TSHZ3: variants seen among roughly 807,000 people sequenced by gnomAD.
The protein encoded by TSHZ3 is teashirt homolog 3.
TSHZ3 carries 10 observed loss-of-function variants against 64.5 expected under a neutral mutation model. The observed-to-expected ratio is 0.16, with a 90% CI of 0.10 to 0.26. TSHZ3 has a LOEUF of 0.26. TSHZ3 is among the 10% of genes least tolerant of loss of function. The probability of loss-of-function intolerance (pLI) is 1.00; values close to 1 mark genes in which losing one functional copy is unlikely to be tolerated. For synonymous variants in TSHZ3, 608 were observed against 593.1 expected (o/e 1.03, Z -0.36); for missense variants, 1,242 against 1,421.7 (o/e 0.87, Z 2.03).
In TSHZ3 at chr19:31,276,381, A is replaced by C. The variant is rs187885276; in HGVS notation, c.*166T>G. On this transcript the variant is annotated 3_prime_UTR_variant, in exon 2 of 2. Transcript: ENST00000240587. ...TACCAGTAACAACAGCTGATTATGCACCTCTATTAAACACTGTACAGTTAT... is the reference window on the plus strand; with the variant it reads ...TACCAGTAACAACAGCTGATTATGCCCCTCTATTAAACACTGTACAGTTAT... 5 of 556,624 alleles carry C rather than the reference A, an allele frequency of 9.0e-6. No homozygotes were observed. The highest frequency in any genetic ancestry group is 5.7e-5 in the African/African-American group (3 of 52,822). The allele number at this position is 556,624 out of a possible 1,614,324, so 34.5% of individuals were successfully genotyped here. A position where few individuals can be genotyped will look rare whatever the true frequency, so the allele number is the denominator to read the frequency against.
intron 1 of TSHZ3, among the ~76,000 whole-genome samples, chr19:31,337,045 A>G (rs1457127457): frequency 1.4e-5 from 2 of 142,044 alleles, no homozygotes; most frequent in Non-Finnish European, 3.0e-5. Flanking sequence ...GGCAACCCAG[A>G]GCAAGTACTT....
intron 1 of TSHZ3, among the ~76,000 whole-genome samples, chr19:31,332,491 C>T (rs1917124777): frequency 6.6e-6 from 1 of 152,116 alleles, no homozygotes; most frequent in East Asian, 1.9e-4. Context: ...ACCGACGACC[C>T]CTCATCAGAT....
chr19:31,272,077 AT>A (rs1172129252), downstream of TSHZ3, among the ~76,000 whole-genome samples: 8 of 152,230 alleles, frequency 5.3e-5, no homozygotes, highest in South Asian at 2.1e-4. Context: ...ATTTAAAAAA[AT>A]TTTTTTTATT....
chr19:31,278,870 G>C lies in TSHZ3; in HGVS notation c.923C>G (p.Pro308Arg), dbSNP rs1223732128. Residue 308 changes from proline (P) to arginine (R), a missense_variant, in exon 2 of 2, where the codon CCC becomes CGC. This residue lies in a region of TSHZ3 where 555 missense variants were observed against 704.0 expected (regional missense o/e 0.79). Transcript: ENST00000240587. This position sits in a 1 kb window ranked among gnomAD's most constrained non-coding sequence, Gnocchi z 4.7. ...GATTTTGGCGGCGACAGGAGTGACG[G>C]GTTCCTTCAGAGGCACTTTTTGGTA... ...KHYQKVPLKE[P>R]VTPVAAKIIP... 1.2e-6 allele frequency: 2 copies of C among 1,614,044 alleles called. No homozygotes were observed. The highest frequency in any genetic ancestry group is 1.7e-6 in the Non-Finnish European group (2 of 1,180,026).
At chr19:31,199,093 C>A (rs557632331) in intron 5 of TSHZ3, among the ~76,000 whole-genome samples, 1 of 151,810 alleles carries the variant, frequency 6.6e-6, no homozygotes, top group East Asian at 1.9e-4. Context: ...GAATAAAAAC[C>A]CCAGAAATAG....
intron 4 of TSHZ3, among the ~76,000 whole-genome samples, chr19:31,211,653 G>A (rs932812871): frequency 2.0e-5 from 3 of 152,176 alleles, no homozygotes; most frequent in African/African-American, 7.2e-5. Context: ...ATGGGCAAAT[G>A]GCAAAAAGAG....
chr19:31,350,803 G>A (rs1387271221), upstream of TSHZ3, among the ~76,000 whole-genome samples: 12 of 147,954 alleles, frequency 8.1e-5, no homozygotes, highest in East Asian at 2.2e-3. Context: ...CGGAGCCCGA[G>A]CGGCGCGGGC....
At chr19:31,250,709 C>T (rs1009089339) in intron 1 of TSHZ3, among the ~76,000 whole-genome samples, 14 of 152,174 alleles carry the variant, frequency 9.2e-5, no homozygotes, top group African/African-American at 2.4e-4. Context: ...TTGCAGAAGC[C>T]GGCTGGCGCT....
intron 4 of TSHZ3, among the ~76,000 whole-genome samples, chr19:31,205,683 C>A (rs1328001374): frequency 2.6e-5 from 4 of 152,184 alleles, no homozygotes; most frequent in African/African-American, 7.2e-5. Context: ...AATGACTGCC[C>A]GACCCTCCAT....
downstream of TSHZ3, among the ~76,000 whole-genome samples, chr19:31,272,985 C>G (rs547144649): frequency 2.6e-5 from 4 of 152,286 alleles, no homozygotes; most frequent in South Asian, 8.3e-4. Context: ...AACCGCAGAA[C>G]ATGAGCACTA....
chr19:31,330,704 T>TTG (rs1276623492), intron 1 of TSHZ3, among the ~76,000 whole-genome samples: 4 of 72,298 alleles, frequency 5.5e-5, no homozygotes, highest in South Asian at 5.1e-4. Flanking sequence ...TGTTTAATCC[T>TTG]TGGGCGGGGG....
intron 5 of TSHZ3, among the ~76,000 whole-genome samples, chr19:31,195,017 A>G (rs944472584): frequency 2.6e-5 from 4 of 152,208 alleles, no homozygotes; most frequent in African/African-American, 9.6e-5. Context: ...AGGTATCTCA[A>G]TAGAAACCTC....
chr19:31,345,965 T>C (rs963855147), intron 1 of TSHZ3, among the ~76,000 whole-genome samples: 1 of 152,104 alleles, frequency 6.6e-6, no homozygotes, highest in Non-Finnish European at 1.5e-5. Flanking sequence ...GCACACCCCC[T>C]GGAAATTACA....
At chr19:31,266,961 G>A (rs375197120) in intron 1 of TSHZ3, among the ~76,000 whole-genome samples, 28 of 152,250 alleles carry the variant, frequency 1.8e-4, no homozygotes, top group African/African-American at 6.5e-4. Flanking sequence ...GGCCCTGTCC[G>A]GCCCAAGGAA....
At chr19:31,215,513 G>A (rs1195795013) in intron 4 of TSHZ3, among the ~76,000 whole-genome samples, 1 of 152,176 alleles carries the variant, frequency 6.6e-6, no homozygotes, top group Non-Finnish European at 1.5e-5. Context: ...GAAGATAGCT[G>A]GTCCCAATTG....
At position 31,277,023 on chromosome 19, in the gene TSHZ3, T is replaced by G; in HGVS notation, c.2770A>C (p.Met924Leu). 6.2e-7 allele frequency: 1 copy of G among 1,611,860 alleles called. No homozygotes were observed. Among genetic ancestry groups the G allele is most frequent in the Non-Finnish European group, 8.5e-7 (1 of 1,178,494 alleles). Residue 924 changes from methionine (M) to leucine (L), a missense_variant, in exon 2 of 2, where the codon ATG becomes CTG. Physicochemically the swap from Met to Leu is conservative, Grantham distance 15 (BLOSUM62 2). Coordinates refer to ENST00000240587, the MANE Select transcript of TSHZ3 (RefSeq NM_020856.4). This position sits in a 1 kb window ranked among gnomAD's most constrained non-coding sequence, Gnocchi z 4.5. The stretch of plus-strand genomic sequence containing the variant: ...CGCTCCTGGGGGCTCAGGTCTGACA[T>G]GATGTACTTCCCTTCTGAGGTCTGC... ...LRQTSEGKYI[M>L]SDLSPQERMH... is the part of the protein sequence containing the mutation.
chr19:31,249,791 C>T (rs1400772768), intron 1 of TSHZ3, among the ~76,000 whole-genome samples: 1 of 152,176 alleles, frequency 6.6e-6, no homozygotes, highest in East Asian at 1.9e-4. Flanking sequence ...TCTCCCCAAC[C>T]CCAGCTTCCT....
downstream of TSHZ3, among the ~76,000 whole-genome samples, chr19:31,271,351 T>C (rs1976135436): frequency 6.6e-6 from 1 of 152,064 alleles, no homozygotes; most frequent in African/African-American, 2.4e-5. Context: ...CCCTCTGGCT[T>C]GTGGAAACTC....
intron 1 of TSHZ3, among the ~76,000 whole-genome samples, chr19:31,332,432 A>G (rs1280288595): frequency 6.6e-6 from 1 of 152,174 alleles, no homozygotes; most frequent in Non-Finnish European, 1.5e-5. Flanking sequence ...CTTACTGAAT[A>G]TAATGTCATG....
Sources: gnomAD v4.1 joint callset for allele counts (sites outside exome capture counted in the v4.1 genomes callset) on GRCh38, gnomAD v4.1.1 for gene constraint, gnomAD v4.1.1 regional missense constraint, Gnocchi (gnomAD v3.1) non-coding constraint, MANE v1.5 for transcripts, NCBI Gene and HGNC (gene_info 2026-07-23, HGNC 2026-07-21) for gene names.